The following COX7A2L variants were observed in gnomAD, a reference collection of about 807,000 sequenced individuals.
COX7A2L encodes the protein cytochrome c oxidase subunit 7A2 like.
COX7A2L carries 18 observed loss-of-function variants against 14.2 expected under a neutral mutation model. That is an observed-to-expected ratio of 1.27 (90% CI 0.88 to 1.88). The LOEUF is 1.88. COX7A2L is among the 40% of genes most tolerant of loss of function. COX7A2L has a pLI of 0.00. For synonymous variants in COX7A2L, 65 were observed against 57.4 expected (o/e 1.13, Z -0.60); for missense variants, 179 against 138.8 (o/e 1.29, Z -1.46).
intron 2 of COX7A2L, among the ~76,000 whole-genome samples, chr2:42,340,363 T>A (rs1227966182): frequency 6.6e-6 from 1 of 152,200 alleles, no homozygotes; most frequent in Non-Finnish European, 1.5e-5. Flanking sequence ...TCAGCTCTCA[T>A]AACAACTCTT....
intron 2 of COX7A2L, among the ~76,000 whole-genome samples, chr2:42,352,592 C>A (rs1670682816): frequency 6.6e-6 from 1 of 152,180 alleles, no homozygotes; most frequent in Non-Finnish European, 1.5e-5. Flanking sequence ...GGGTCTGGAT[C>A]TGGACTACTT....
intron 2 of COX7A2L, among the ~76,000 whole-genome samples, chr2:42,337,727 A>AGAGT (rs1491081650): frequency 6.6e-6 from 1 of 152,226 alleles, no homozygotes; most frequent in African/African-American, 2.4e-5. Flanking sequence ...CAACTTCCTC[A>AGAGT]GAGTCTCAAA....
intron 2 of COX7A2L, among the ~76,000 whole-genome samples, chr2:42,341,033 G>A (rs1366497857): frequency 8.3e-6 from 1 of 120,310 alleles, no homozygotes; most frequent in South Asian, 2.3e-4. Context: ...GAATCCCCAC[G>A]CTGGCTTAGA....
At chr2:42,354,711 T>C (rs1460612154) in intron 1 of COX7A2L, among the ~76,000 whole-genome samples, 1 of 152,216 alleles carries the variant, frequency 6.6e-6, no homozygotes, top group Non-Finnish European at 1.5e-5. Context: ...TAAATGGGAA[T>C]GAACCATGGC....
At chr2:42,354,693 C>T (rs1053612507) in intron 1 of COX7A2L, among the ~76,000 whole-genome samples, 1 of 152,180 alleles carries the variant, frequency 6.6e-6, no homozygotes, top group African/African-American at 2.4e-5. Context: ...TCTTCTGACA[C>T]AGTACAGTAA....
chr2:42,364,776 T>A (rs1489324327), upstream of COX7A2L, among the ~76,000 whole-genome samples: 2 of 152,218 alleles, frequency 1.3e-5, no homozygotes, highest in African/African-American at 4.8e-5. Flanking sequence ...TCTGAATGGC[T>A]CATTTCTCAC....
At position 42,342,700 on chromosome 2, in the gene COX7A2L, C is replaced by A. The variant is rs531130052; in HGVS notation, c.193-8831G>T. Among the ~76,000 whole-genome samples, 1 of 152,258 alleles carries A rather than the reference C, an allele frequency of 6.6e-6. No individual in the cohort carries two copies. The highest frequency in any genetic ancestry group is 2.1e-4 in the South Asian group (1 of 4,822). ...GACTAATCTATGTCATAGACGAGGT[C>A]AGAACAAGAGAAGGCAGGATGTCCC... On this transcript the variant is annotated intron_variant, in intron 2 of 2. Coordinates refer to the COX7A2L transcript ENST00000468711. The surrounding 1 kb of genome is among the most constrained non-coding windows in gnomAD (Gnocchi z 4.9).
In COX7A2L at chr2:42,353,687, T is replaced by C. The variant is rs142915668; in HGVS notation, c.73-344A>G. Among the ~76,000 whole-genome samples, 1,302 of 152,290 alleles carry C rather than the reference T, an allele frequency of 8.5e-3. 21 individuals are homozygous for C. The highest frequency in any genetic ancestry group is 0.03 in the African/African-American group (1,231 of 41,556). On this transcript the variant is annotated intron_variant, in intron 1 of 2. Coordinates refer to ENST00000234301, the MANE Select transcript of COX7A2L (RefSeq NM_004718.4). The stretch of plus-strand genomic sequence containing the variant: ...TGAGCTAATCTAGTAACATGGAATG[T>C]CTAACCCCAGAGCAGACTTCAGAAA...
rs1007796533 is a variant in COX7A2L at position 42,338,427 on chromosome 2, A to G, written c.193-4558T>C. Among the ~76,000 whole-genome samples the G allele has an allele frequency of 6.6e-6, 1 of 152,188 alleles. No homozygotes were observed. Among genetic ancestry groups the G allele is most frequent in the Non-Finnish European group, 1.5e-5 (1 of 68,016 alleles). On this transcript the variant is annotated intron_variant, in intron 2 of 2. Coordinates refer to the COX7A2L transcript ENST00000468711. The surrounding 1 kb of genome is among the most constrained non-coding windows in gnomAD (Gnocchi z 4.4). ...GCCGCAGAACTGAGATGAGGTGACC[A>G]GGCTTTCTCCGAGAGCGACAGGCCC...
chr2:42,340,776 C>T (rs1027501009), intron 2 of COX7A2L, among the ~76,000 whole-genome samples: 4 of 152,176 alleles, frequency 2.6e-5, no homozygotes, highest in Admixed American at 6.5e-5. Context: ...TGCACTGGGC[C>T]GCTCCACTGC....
chr2:42,335,945 C>T (rs567281711), intron 2 of COX7A2L, among the ~76,000 whole-genome samples: 163 of 152,350 alleles, frequency 1.1e-3, no homozygotes, highest in Non-Finnish European at 1.9e-3. Flanking sequence ...TAGGCTGGTT[C>T]ACTGTGGCAC....
intron 1 of COX7A2L, chr2:42,360,877 G>T: frequency 1.7e-6 from 1 of 602,056 alleles, no homozygotes; most frequent in Middle Eastern, 4.4e-4. Context: ...AAACTTCCAC[G>T]CCAGGCCAGC....
intron 1 of COX7A2L, among the ~76,000 whole-genome samples, chr2:42,355,937 G>T (rs1402633656): frequency 1.3e-5 from 2 of 152,052 alleles, no homozygotes; most frequent in Non-Finnish European, 2.9e-5. Context: ...TGTTGGCCAG[G>T]CTGGTCTCGA....
chr2:42,349,535 T>A lies in COX7A2L; in HGVS notation c.*1684A>T, dbSNP rs1670575069. 1 of 152,228 alleles carries A rather than the reference T, an allele frequency of 6.6e-6. No homozygotes were observed. The highest frequency in any genetic ancestry group is 1.5e-5 in the Non-Finnish European group (1 of 68,036). 9.4% of individuals were successfully genotyped at this position (152,228 alleles called of 1,614,324 possible). On this transcript the variant is annotated 3_prime_UTR_variant, in exon 3 of 3. Transcript: ENST00000234301. The stretch of plus-strand genomic sequence containing the variant: ...ATAAGTGTTCTAAAATTGATTCTCA[T>A]GGTGGCTGTACAACTCCAAATACAG...
At chr2:42,366,712 G>A (rs1671171792) in intron 1 of COX7A2L, among the ~76,000 whole-genome samples, 1 of 152,234 alleles carries the variant, frequency 6.6e-6, no homozygotes, top group South Asian at 2.1e-4. Context: ...AATTTAGCAT[G>A]ATGTAAAGCA....
At chr2:42,336,571 A>G (rs1327075032) in intron 2 of COX7A2L, among the ~76,000 whole-genome samples, 1 of 152,136 alleles carries the variant, frequency 6.6e-6, no homozygotes, top group Admixed American at 6.5e-5. Flanking sequence ...CTCCTAGGAA[A>G]GGTCACAGGA....
chr2:42,359,915 G>C (rs1002234933), intron 1 of COX7A2L: 1 of 151,168 alleles, frequency 6.6e-6, no homozygotes. Context: ...TTTAGAGACA[G>C]GGTCTCACTA....
chr2:42,343,390 G>T (rs1456773908), intron 2 of COX7A2L, among the ~76,000 whole-genome samples: 1 of 152,214 alleles, frequency 6.6e-6, no homozygotes, highest in African/African-American at 2.4e-5. Flanking sequence ...GCACCTAATA[G>T]TGTGTGCTTC....
intron 1 of COX7A2L, 184 bp downstream of exon 1, chr2:42,360,906 T>C (rs1347631704): frequency 9.1e-6 from 6 of 656,000 alleles, no homozygotes; most frequent in Non-Finnish European, 1.3e-5. Context: ...GGTGAGCAGG[T>C]ACACAAAAAG....
Sources: gnomAD v4.1 joint callset for allele counts (sites outside exome capture counted in the v4.1 genomes callset) on GRCh38, gnomAD v4.1.1 for gene constraint, Gnocchi (gnomAD v3.1) non-coding constraint, MANE v1.5 for transcripts, NCBI Gene and HGNC (gene_info 2026-07-23, HGNC 2026-07-21) for gene names.